PTPN4: variants seen among roughly 807,000 people sequenced by gnomAD.
PTPN4 encodes the protein protein tyrosine phosphatase non-receptor type 4, also known as tyrosine-protein phosphatase non-receptor type 4.
PTPN4 carries 49 observed loss-of-function variants against 135.5 expected under a neutral mutation model. The ratio of observed to expected loss-of-function variants is 0.36; its 90% CI spans 0.29 to 0.46. PTPN4 has a LOEUF of 0.46. PTPN4 is among the 20% of genes least tolerant of loss of function. The pLI, the probability that PTPN4 is intolerant of heterozygous loss-of-function variation, is 1.00. For missense variants in PTPN4, 860 were observed against 1,101.0 expected, an observed-to-expected ratio of 0.78 and a Z score of 3.10; for synonymous variants, 333 against 369.9, an observed-to-expected ratio of 0.90 and a Z score of 1.14.
intron 1 of PTPN4, among the ~76,000 whole-genome samples, chr2:119,774,495 A>G (rs572773710): frequency 6.6e-6 from 1 of 152,204 alleles, no homozygotes; most frequent in Non-Finnish European, 1.5e-5. Context: ...TGCAGCTTTT[A>G]TATTAGTGCA....
At chr2:119,889,450 C>T (rs763491967) in intron 9 of PTPN4, among the ~76,000 whole-genome samples, 5 of 152,050 alleles carry the variant, frequency 3.3e-5, no homozygotes, top group African/African-American at 9.7e-5. Flanking sequence ...GATGATCTTT[C>T]GTATTTCTGT....
intron 12 of PTPN4, among the ~76,000 whole-genome samples, chr2:119,925,726 A>G (rs1484433729): frequency 6.6e-6 from 1 of 152,160 alleles, no homozygotes; most frequent in East Asian, 1.9e-4. Flanking sequence ...TAAAATGTTG[A>G]AATACTCTTT....
chr2:119,900,470 G>A (rs1678386590), intron 9 of PTPN4, among the ~76,000 whole-genome samples: 1 of 151,966 alleles, frequency 6.6e-6, no homozygotes, highest in Admixed American at 6.6e-5. Context: ...CATAAATTGT[G>A]GGAAATCCTG....
At chr2:119,767,761 A>G (rs916842635) in intron 1 of PTPN4, among the ~76,000 whole-genome samples, 4 of 152,256 alleles carry the variant, frequency 2.6e-5, no homozygotes, top group Non-Finnish European at 4.4e-5. Context: ...CAGGAATGCC[A>G]TAGAAATAAT....
At position 119,981,047 on chromosome 2, in the gene PTPN4, C is replaced by CA. The variant is rs1399575190; in HGVS notation, c.*3978dup. ...TGCTATTTAATATCTGTATTTTGAA[C>CA]ATTTAAAATACTCTGATGGTAAGGT... On this transcript the variant is annotated 3_prime_UTR_variant, in exon 27 of 27. Coordinates refer to ENST00000263708, the MANE Select transcript of PTPN4 (RefSeq NM_002830.4). 3 of 151,886 alleles carry CA rather than the reference C, an allele frequency of 2.0e-5. No homozygotes were observed. The East Asian group carries it at 5.8e-4, about 29-fold the overall frequency. The allele number at this position is 151,886 out of a possible 1,614,324, so 9.4% of individuals were successfully genotyped here. A position where few individuals can be genotyped will look rare whatever the true frequency, so the allele number is the denominator to read the frequency against.
chr2:119,863,714 C>T (rs1351209852), intron 3 of PTPN4, among the ~76,000 whole-genome samples: 3 of 151,858 alleles, frequency 2.0e-5, no homozygotes, highest in South Asian at 2.1e-4. Context: ...TGGAAAAATA[C>T]GAGGATGACA....
Position 119,951,999 on chromosome 2 carries a change from T to C in PTPN4, c.1683T>C (p.Asn561=). The C allele has an allele frequency of 6.2e-7, 1 of 1,613,106 alleles. No individual in the cohort carries two copies. The highest frequency in any genetic ancestry group is 8.5e-7 in the Non-Finnish European group (1 of 1,179,264). Residue 561 remains asparagine (N), a synonymous_variant, in exon 19 of 27, where the codon AAT becomes AAC. Transcript: ENST00000263708. The stretch of plus-strand genomic sequence containing the variant: ...CTGACCTCTGTGTCCCTAGACTGAA[T>C]GAAGGGGACCAAGTTGTACTGATCA... ...TPADLCVPRL[N]EGDQVVLING...
At chr2:119,768,468 T>C (rs1292736727) in intron 1 of PTPN4, among the ~76,000 whole-genome samples, 1 of 152,226 alleles carries the variant, frequency 6.6e-6, no homozygotes, top group African/African-American at 2.4e-5. Context: ...AATACATATA[T>C]GTATACACAC....
At chr2:119,965,769 C>T (rs1574424620) in intron 25 of PTPN4, 124 bp downstream of exon 25, 4 of 1,159,264 alleles carry the variant, frequency 3.5e-6, no homozygotes, top group Non-Finnish European at 4.8e-6. Flanking sequence ...AAGCTATGCT[C>T]TGAAGGTAGG....
chr2:119,765,945 T>C (rs781031803), intron 1 of PTPN4, among the ~76,000 whole-genome samples: 54 of 147,002 alleles, frequency 3.7e-4, no homozygotes, highest in Non-Finnish European at 6.7e-4. Flanking sequence ...CGCGCGCGCA[T>C]GTGCGTTGAT....
At chr2:119,940,461 TG>T (rs1000709227) in intron 15 of PTPN4, among the ~76,000 whole-genome samples, 2 of 152,220 alleles carry the variant, frequency 1.3e-5, no homozygotes, top group Admixed American at 6.5e-5. Context: ...AATAAGGGTT[TG>T]TTTTTTTCTT....
At chr2:119,893,462 G>A (rs1678271666) in intron 9 of PTPN4, among the ~76,000 whole-genome samples, 1 of 152,148 alleles carries the variant, frequency 6.6e-6, no homozygotes. Context: ...ACGAAAGAGG[G>A]GTAGGCAATT....
intron 18 of PTPN4, among the ~76,000 whole-genome samples, chr2:119,950,893 G>T (rs1390451531): frequency 6.6e-6 from 1 of 152,154 alleles, no homozygotes; most frequent in East Asian, 1.9e-4. Context: ...AATTATGGTT[G>T]TTCCCATGAC....
intron 26 of PTPN4, among the ~76,000 whole-genome samples, chr2:119,968,835 TAA>T (rs1679484795): frequency 6.6e-6 from 1 of 152,238 alleles, no homozygotes; most frequent in East Asian, 1.9e-4. Flanking sequence ...TTACAGAAAT[TAA>T]GTTACTTTTT....
At chr2:119,903,380 A>G (rs987139095) in intron 10 of PTPN4, among the ~76,000 whole-genome samples, 1 of 152,054 alleles carries the variant, frequency 6.6e-6, no homozygotes, top group African/African-American at 2.4e-5. Flanking sequence ...ACAGAGGACC[A>G]TCCCAGCTGC....
chr2:119,806,386 A>G lies in PTPN4; in HGVS notation c.-17-3451A>G, dbSNP rs191683700. Among the ~76,000 whole-genome samples the G allele has an allele frequency of 5.4e-4, 83 of 152,324 alleles. 1 individual carries two copies. In the East Asian group the frequency reaches 0.015, roughly 28 times the overall value. On this transcript the variant is annotated intron_variant, in intron 1 of 26. Coordinates refer to ENST00000263708, the MANE Select transcript of PTPN4 (RefSeq NM_002830.4). ...AAAATAAAGGGATGGAGGAATATCT[A>G]ACAAGCAAATGGAAAGCAAAAAAAA...
At chr2:119,800,983 T>C (rs138311628) in intron 1 of PTPN4, among the ~76,000 whole-genome samples, 20 of 152,310 alleles carry the variant, frequency 1.3e-4, no homozygotes, top group African/African-American at 4.1e-4. Flanking sequence ...GGGAGAGGGA[T>C]TCCCAGTTTA....
chr2:119,953,298 TACTTGTC>T (rs1679235401), intron 19 of PTPN4, among the ~76,000 whole-genome samples: 2 of 152,344 alleles, frequency 1.3e-5, no homozygotes, highest in South Asian at 4.1e-4. Flanking sequence ...ATTCGAATTC[TACTTGTC>T]ACCACCACAC....
At chr2:119,781,509 T>G (rs1690938534) in intron 1 of PTPN4, among the ~76,000 whole-genome samples, 1 of 152,172 alleles carries the variant, frequency 6.6e-6, no homozygotes, top group Non-Finnish European at 1.5e-5. Flanking sequence ...TCAAGACCAC[T>G]GTCAACAACA....
Sources: allele counts gnomAD v4.1 joint callset (sites outside exome capture counted in the v4.1 genomes callset), GRCh38; gene constraint gnomAD v4.1.1; transcripts MANE v1.5; gene names NCBI Gene and HGNC (gene_info 2026-07-23, HGNC 2026-07-21).